Variants in RSRP1 observed in about 807,000 individuals in gnomAD.
RSRP1 encodes the protein arginine and serine rich protein 1.
Under a neutral mutation model 33.0 loss-of-function variants are expected in RSRP1, and 37 were observed. The observed-to-expected ratio is 1.12, with a 90% confidence interval of 0.86 to 1.48. The LOEUF (loss-of-function observed/expected upper bound fraction) is 1.48. Among genes scored for constraint, RSRP1 ranks in the 40% most tolerant of loss-of-function variants. RSRP1 has a pLI of 0.00. For synonymous variants in RSRP1, 167 were observed against 158.7 expected (o/e 1.05, Z -0.40); for missense variants, 402 against 385.3 (o/e 1.04, Z -0.36).
chr1:25,333,266 G>A (rs1475342190), intron 1 of RSRP1, among the ~76,000 whole-genome samples: 1 of 131,428 alleles, frequency 7.6e-6, no homozygotes, highest in Admixed American at 7.4e-5. Context: ...TGCCTTTCCA[G>A]TTCTCTAGGT....
chr1:25,338,197 C>T (rs561442587), upstream of RSRP1: 1 of 152,142 alleles, frequency 6.6e-6, no homozygotes. Context: ...AGCTGTGAAC[C>T]CAGAGCGGCG....
At position 25,300,171 on chromosome 1, in the gene RSRP1, C is replaced by G. The variant is rs1437165289; in HGVS notation, c.-67+37807G>C. ...CTGAGAAGTAGGAATCAGTGAGGTG[C>G]GTGTCCATGTGGGTTTTTGCCACAC... On this transcript the variant is annotated intron_variant, in intron 1 of 1. Coordinates refer to the RSRP1 transcript ENST00000561867. 6.1e-5 allele frequency among the ~76,000 whole-genome samples: 8 copies of G among 131,170 alleles called. 1 individual carries two copies. 86.1% of individuals were successfully genotyped at this position (131,170 alleles called of 152,430 possible).
At position 25,258,794 on chromosome 1, in the gene RSRP1, T is replaced by TA. The variant is rs755913598; in HGVS notation, c.-66-11766dup. Among the ~76,000 whole-genome samples the TA allele has an allele frequency of 1.4e-3, 219 of 151,600 alleles. 1 individual carries two copies. The South Asian group carries it at 0.018, about 13-fold the overall frequency. On this transcript the variant is annotated intron_variant, in intron 1 of 1. Coordinates refer to the RSRP1 transcript ENST00000561867. Reference sequence around the variant, plus strand: ...ACCAAACAATGAAATAAATATCTCTTAAAAAAAAACTGCATTTGTACTCTT... The same window carrying TA: ...ACCAAACAATGAAATAAATATCTCTTAAAAAAAAAACTGCATTTGTACTCTT...
chr1:25,303,078 C>T (rs527240389), intron 1 of RSRP1, among the ~76,000 whole-genome samples: 3 of 131,884 alleles, frequency 2.3e-5, no homozygotes, highest in Non-Finnish European at 5.4e-5. Context: ...CTTCCCAGCT[C>T]ATTCCCTAAA....
chr1:25,284,674 C>A, intron 1 of RSRP1: 1 of 1,388,912 alleles, frequency 7.2e-7, no homozygotes, highest in Non-Finnish European at 1.0e-6. Flanking sequence ...CCTCTTCATG[C>A]TGGCGCTTGG....
At position 25,260,256 on chromosome 1, in the gene RSRP1, C is replaced by T. The variant is rs547407799; in HGVS notation, c.-66-13227G>A. ...CAGACCAAGGTTCTTTTTGTTTACA[C>T]AATACTTGAAAAATAAAAATGAACA... On this transcript the variant is annotated intron_variant, in intron 1 of 1. Transcript: ENST00000561867. Among the ~76,000 whole-genome samples the T allele has an allele frequency of 5.9e-5, 9 of 152,210 alleles. No homozygotes were observed. In the South Asian group the frequency reaches 8.3e-4, roughly 14 times the overall value.
At chr1:25,281,350 C>T (rs1475513411) in intron 1 of RSRP1, among the ~76,000 whole-genome samples, 1 of 130,868 alleles carries the variant, frequency 7.6e-6, no homozygotes, top group Non-Finnish European at 1.8e-5. Context: ...CTCACAGGCT[C>T]TCTCTGGTCC....
upstream of RSRP1, among the ~76,000 whole-genome samples, chr1:25,249,434 G>A (rs1639707764): frequency 6.6e-6 from 1 of 152,146 alleles, no homozygotes; most frequent in African/African-American, 2.4e-5. Context: ...TGCGTACTGG[G>A]TTCACACAAT....
Position 25,293,051 on chromosome 1 carries a change from G to C in RSRP1, c.-67+44927C>G, listed in dbSNP as rs1258931847. Among the ~76,000 whole-genome samples, 2 of 130,686 alleles carry C rather than the reference G, an allele frequency of 1.5e-5. 1 individual carries two copies. The highest frequency in any genetic ancestry group is 3.6e-5 in the Non-Finnish European group (2 of 55,696). The allele number at this position is 130,686 out of a possible 152,430, so 85.7% of individuals were successfully genotyped here. On this transcript the variant is annotated intron_variant, in intron 1 of 1. Transcript: ENST00000561867. ...GGGCTGGGAAGTAGCCATTGGATTT[G>C]GCCAGGAGACCTTGGCATGCATGGT...
chr1:25,284,788 G>GACCCAGGCT (rs1641823373), intron 1 of RSRP1: 1 of 1,377,040 alleles, frequency 7.3e-7, no homozygotes, highest in Non-Finnish European at 1.0e-6. Flanking sequence ...GATCACTTCT[G>GACCCAGGCT]GGTCATAGAG....
At chr1:25,285,507 AT>A (rs1571607154) in intron 1 of RSRP1, among the ~76,000 whole-genome samples, 1 of 134,954 alleles carries the variant, frequency 7.4e-6, no homozygotes, top group African/African-American at 2.6e-5. Flanking sequence ...CCATGCCTTT[AT>A]TTTCATTAAA....
intron 1 of RSRP1, among the ~76,000 whole-genome samples, chr1:25,256,627 A>T (rs1053400492): frequency 3.0e-4 from 45 of 151,636 alleles, no homozygotes; most frequent in Non-Finnish European, 2.9e-4. Context: ...TACCCAGCTA[A>T]TTTTTTTTGT....
chr1:25,262,492 C>A (rs1271365408), intron 1 of RSRP1, among the ~76,000 whole-genome samples: 3 of 152,104 alleles, frequency 2.0e-5, no homozygotes, highest in East Asian at 1.9e-4. Context: ...CACAGCCAAT[C>A]GGATACATAG....
At chr1:25,284,796 G>A in intron 1 of RSRP1, 1 of 1,366,020 alleles carries the variant, frequency 7.3e-7, no homozygotes, top group Non-Finnish European at 1.0e-6. Context: ...CTGGGTCATA[G>A]AGGGAATGGA....
intron 1 of RSRP1, among the ~76,000 whole-genome samples, chr1:25,275,954 G>A (rs1329789392): frequency 7.6e-6 from 1 of 132,368 alleles, no homozygotes; most frequent in African/African-American, 2.6e-5. Flanking sequence ...TTTTCTGCAC[G>A]AGTTGGTTAA....
intron 1 of RSRP1, among the ~76,000 whole-genome samples, chr1:25,269,155 T>TAGTC (rs1266502276): frequency 7.6e-6 from 1 of 132,320 alleles, no homozygotes; most frequent in Non-Finnish European, 1.8e-5. Context: ...CATCATAGCT[T>TAGTC]AGTCTCACCT....
At position 25,322,489 on chromosome 1, in the gene RSRP1, G is replaced by C. The variant is rs376458171; in HGVS notation, c.-67+15489C>G. Among the ~76,000 whole-genome samples the C allele has an allele frequency of 6.0e-5, 8 of 132,438 alleles. No individual in the cohort carries two copies. In the East Asian group the frequency reaches 7.8e-4, roughly 13 times the overall value. The allele number at this position is 132,438 out of a possible 152,430, so 86.9% of individuals were successfully genotyped here. ...GGAGTTCGAGACCAGCCTGGCCAAC[G>C]TGTCGAAACCCCATCTCTACTAAAA... On this transcript the variant is annotated intron_variant, in intron 1 of 1. Coordinates refer to the RSRP1 transcript ENST00000561867.
chr1:25,290,988 A>AT lies in RSRP1; in HGVS notation c.-66-43960dup, dbSNP rs1455083041. Among the ~76,000 whole-genome samples, 2 of 130,270 alleles carry AT rather than the reference A, an allele frequency of 1.5e-5. 1 individual carries two copies. The highest frequency in any genetic ancestry group is 3.6e-5 in the Non-Finnish European group (2 of 55,152). 85.5% of individuals were successfully genotyped at this position (130,270 alleles called of 152,430 possible). On this transcript the variant is annotated intron_variant, in intron 1 of 1. Transcript: ENST00000561867. ...GCAAGATCCTCATCTCTAAAAAGTA[A>AT]TTTTTTCTAAATTATCCAGTTGTGG...
chr1:25,248,649 T>C (rs1020556439), upstream of RSRP1, among the ~76,000 whole-genome samples: 2 of 152,160 alleles, frequency 1.3e-5, no homozygotes, highest in Non-Finnish European at 2.9e-5. Flanking sequence ...AAAAGCCACT[T>C]TCTTTAGAGG....
Sources: gnomAD v4.1 joint callset for allele counts (sites outside exome capture counted in the v4.1 genomes callset) on GRCh38, gnomAD v4.1.1 for gene constraint, MANE v1.5 for transcripts, NCBI Gene and HGNC (gene_info 2026-07-23, HGNC 2026-07-21) for gene names.